The following NOS1AP variants were observed in gnomAD, a reference collection of about 807,000 sequenced individuals.
The protein encoded by NOS1AP is nitric oxide synthase 1 adaptor protein, also known as carboxyl-terminal PDZ ligand of neuronal nitric oxide synthase protein.
NOS1AP carries 21 observed loss-of-function variants against 56.2 expected under a neutral mutation model. The ratio of observed to expected loss-of-function variants is 0.37; its 90% CI spans 0.26 to 0.54. The LOEUF is 0.54. Ranked by LOEUF, NOS1AP falls within the 20% of genes least tolerant of loss-of-function variation. The probability of loss-of-function intolerance (pLI) is 0.84; values close to 1 mark genes in which losing one functional copy is unlikely to be tolerated. For synonymous variants in NOS1AP, 270 were observed against 274.6 expected (o/e 0.98, Z 0.17); for missense variants, 522 against 657.8 (o/e 0.79, Z 2.26).
chr1:162,088,437 A>G (rs1294279997), intron 1 of NOS1AP, among the ~76,000 whole-genome samples: 3 of 152,212 alleles, frequency 2.0e-5, no homozygotes, highest in African/African-American at 7.2e-5. Flanking sequence ...TGCAGCCATA[A>G]GAACTGCTGA....
chr1:162,297,469 C>T (rs1235964369), intron 3 of NOS1AP, among the ~76,000 whole-genome samples: 3 of 152,272 alleles, frequency 2.0e-5, no homozygotes, highest in Admixed American at 6.5e-5. Flanking sequence ...TTTGAAATGT[C>T]AGGGGACCTC....
chr1:162,179,963 C>T (rs1651194012), intron 2 of NOS1AP, among the ~76,000 whole-genome samples: 1 of 152,212 alleles, frequency 6.6e-6, no homozygotes, highest in South Asian at 2.1e-4. Context: ...TTAGTGCTGG[C>T]TGCTGGCAAG....
At chr1:162,265,092 G>A (rs1396199321) in intron 2 of NOS1AP, among the ~76,000 whole-genome samples, 1 of 152,080 alleles carries the variant, frequency 6.6e-6, no homozygotes, top group African/African-American at 2.4e-5. Flanking sequence ...TGGGATTACA[G>A]GCATGAGCCA....
intron 2 of NOS1AP, among the ~76,000 whole-genome samples, chr1:162,163,123 A>G (rs943475185): frequency 3.3e-5 from 5 of 152,224 alleles, no homozygotes; most frequent in African/African-American, 1.2e-4. Flanking sequence ...ATATTGGGAC[A>G]TGTATCAGTA....
intron 2 of NOS1AP, among the ~76,000 whole-genome samples, chr1:162,264,467 TCCCCTCCCCTCCCCTCCCCTCTC>T (rs1557855349): frequency 2.4e-4 from 9 of 37,210 alleles, no homozygotes; most frequent in East Asian, 1.6e-3. Context: ...TCTCTTCTCC[TCCCCTCCCCTCCCCTCCCCTCTC>T]CTCCTCTCCT....
chr1:162,279,219 G>T (rs912618707), intron 2 of NOS1AP, among the ~76,000 whole-genome samples: 2 of 152,106 alleles, frequency 1.3e-5, no homozygotes, highest in Middle Eastern at 3.2e-3. Flanking sequence ...AATCATTTAG[G>T]TTGTTGTTCA....
At chr1:162,211,040 G>GT (rs1274188500) in intron 2 of NOS1AP, among the ~76,000 whole-genome samples, 2 of 152,206 alleles carry the variant, frequency 1.3e-5, no homozygotes, top group African/African-American at 4.8e-5. Flanking sequence ...CCACCATTGT[G>GT]TTCTTGCTGT....
chr1:162,184,217 C>T (rs1398183844), intron 2 of NOS1AP, among the ~76,000 whole-genome samples: 1 of 152,180 alleles, frequency 6.6e-6, no homozygotes, highest in Non-Finnish European at 1.5e-5. Flanking sequence ...AGAACACATA[C>T]ACATTTATGG....
intron 2 of NOS1AP, among the ~76,000 whole-genome samples, chr1:162,193,891 T>C (rs1376387659): frequency 6.6e-6 from 1 of 152,168 alleles, no homozygotes; most frequent in Non-Finnish European, 1.5e-5. Context: ...TCTTTCTTTT[T>C]AATTAAGTGG....
At chr1:162,123,316 G>A (rs1379662339) in intron 1 of NOS1AP, among the ~76,000 whole-genome samples, 2 of 152,168 alleles carry the variant, frequency 1.3e-5, no homozygotes, top group Admixed American at 1.3e-4. Context: ...GGACTAACAG[G>A]CATGTGCCAC....
At chr1:162,329,689 A>T (rs569729030) in intron 4 of NOS1AP, among the ~76,000 whole-genome samples, 8 of 152,282 alleles carry the variant, frequency 5.3e-5, no homozygotes, top group African/African-American at 1.9e-4. Context: ...TAATGGAGAA[A>T]TAAGGGTTCT....
At chr1:162,339,549 G>A (rs888994884) in intron 5 of NOS1AP, among the ~76,000 whole-genome samples, 2 of 152,172 alleles carry the variant, frequency 1.3e-5, no homozygotes, top group African/African-American at 4.8e-5. Flanking sequence ...AGGCCTGTAT[G>A]TCGTCATGAG....
intron 1 of NOS1AP, among the ~76,000 whole-genome samples, chr1:162,099,603 A>G (rs1271236879): frequency 6.7e-6 from 1 of 150,012 alleles, no homozygotes; most frequent in Non-Finnish European, 1.5e-5. Context: ...TTTTCATATG[A>G]TTATTGGCTG....
chr1:162,082,653 T>A (rs375129576), intron 1 of NOS1AP, among the ~76,000 whole-genome samples: 2 of 152,202 alleles, frequency 1.3e-5, no homozygotes, highest in South Asian at 4.1e-4. Flanking sequence ...AGATGGTATC[T>A]CATTGTGGTT....
chr1:162,168,264 T>C (rs1650599741), intron 2 of NOS1AP, among the ~76,000 whole-genome samples: 1 of 152,192 alleles, frequency 6.6e-6, no homozygotes, highest in Admixed American at 6.5e-5. Flanking sequence ...TCTCTGCTCG[T>C]TGGAAATGGA....
intron 8 of NOS1AP, chr1:162,364,232 C>T: frequency 1.0e-6 from 1 of 985,524 alleles, no homozygotes; most frequent in South Asian, 4.7e-5. Context: ...CCCACCTCTC[C>T]TGCCCCCACT....
intron 3 of NOS1AP, among the ~76,000 whole-genome samples, chr1:162,294,964 A>T (rs1369938180): frequency 6.6e-6 from 1 of 152,184 alleles, no homozygotes; most frequent in Admixed American, 6.5e-5. Context: ...TATTGGCCTC[A>T]CCACTGCTGC....
intron 2 of NOS1AP, among the ~76,000 whole-genome samples, chr1:162,278,001 T>C (rs1654797629): frequency 6.6e-6 from 1 of 152,216 alleles, no homozygotes; most frequent in Admixed American, 6.5e-5. Flanking sequence ...TTTCACTCTT[T>C]TTAAAACCCT....
At chr1:162,164,652 G>A (rs1650392589) in intron 2 of NOS1AP, among the ~76,000 whole-genome samples, 1 of 152,158 alleles carries the variant, frequency 6.6e-6, no homozygotes. Flanking sequence ...TAAGCATAAT[G>A]TTTCTAAGGT....
Sources: allele counts gnomAD v4.1 joint callset (sites outside exome capture counted in the v4.1 genomes callset), GRCh38; gene constraint gnomAD v4.1.1; transcripts MANE v1.5; gene names NCBI Gene and HGNC (gene_info 2026-07-23, HGNC 2026-07-21).